Variants in ADARB2 observed in about 807,000 individuals in gnomAD.
ADARB2 encodes adenosine deaminase RNA specific B2 (inactive), also known as inactive double-stranded RNA-specific editase B2.
In ADARB2, 25 loss-of-function variants were observed where a neutral mutation model predicts 62.2. The ratio of observed to expected loss-of-function variants is 0.40; its 90% CI spans 0.29 to 0.56. The LOEUF is 0.56. Among genes scored for constraint, ADARB2 ranks in the 20% least tolerant of loss-of-function variants. ADARB2 has a pLI of 0.43. For synonymous variants in ADARB2, 572 were observed against 500.8 expected, an observed-to-expected ratio of 1.14 and a Z score of -1.90; for missense variants, 1,071 against 1,077.4, an observed-to-expected ratio of 0.99 and a Z score of 0.08.
intron 1 of ADARB2, among the ~76,000 whole-genome samples, chr10:1,692,835 G>A (rs1000417752): frequency 1.3e-5 from 2 of 152,214 alleles, no homozygotes; most frequent in African/African-American, 4.8e-5. Context: ...CAGAATTGAA[G>A]TCTTTTGATC....
At chr10:1,470,064 C>T (rs183209947) in intron 1 of ADARB2, among the ~76,000 whole-genome samples, 3 of 152,270 alleles carry the variant, frequency 2.0e-5, no homozygotes, top group Non-Finnish European at 2.9e-5. Flanking sequence ...GGCCCTGGAG[C>T]GACCTTCCAA....
Position 1,200,027 on chromosome 10 carries a change from G to T in ADARB2, c.1803C>A (p.His601Gln). The T allele has an allele frequency of 6.3e-7, 1 of 1,592,776 alleles. No homozygotes were observed. ...HTGHLARVMS[H>Q]RMEGVGQLPA... Reference sequence around the variant, plus strand: ...GCAGCTGGCCGACACCCTCCATGCGGTGGCTCATGACGCGTGCGAGGTGGC... The same window carrying T: ...GCAGCTGGCCGACACCCTCCATGCGTTGGCTCATGACGCGTGCGAGGTGGC... The change falls in exon 8 of 10, where the codon CAC becomes CAA. Residue 601 changes from histidine (H) to glutamine (Q), a missense_variant. Physicochemically the swap from His to Gln is conservative, Grantham distance 24 (BLOSUM62 0). Coordinates refer to ENST00000381312, the MANE Select transcript of ADARB2 (RefSeq NM_018702.4).
At chr10:1,653,545 C>T (rs114786282) in intron 1 of ADARB2, among the ~76,000 whole-genome samples, 4,641 of 133,640 alleles carry the variant, frequency 0.035, 95 homozygotes, top group Middle Eastern at 0.062. Flanking sequence ...GCCTCGTGTG[C>T]CTGCAGAGCC....
intron 4 of ADARB2, among the ~76,000 whole-genome samples, chr10:1,257,039 AC>A (rs780930641): frequency 2.0e-4 from 31 of 152,192 alleles, no homozygotes; most frequent in Non-Finnish European, 3.5e-4. Context: ...TTTTTAAGCA[AC>A]CACTTGGTAT....
At chr10:1,504,385 T>C (rs1010797976) in intron 1 of ADARB2, among the ~76,000 whole-genome samples, 2 of 152,238 alleles carry the variant, frequency 1.3e-5, no homozygotes, top group African/African-American at 4.8e-5. Flanking sequence ...TTTTCCCCTC[T>C]TTAATGGGAA....
chr10:1,583,241 A>G (rs1588311705), intron 1 of ADARB2, among the ~76,000 whole-genome samples: 2 of 152,356 alleles, frequency 1.3e-5, no homozygotes, highest in African/African-American at 4.8e-5. Context: ...ATGCCACATG[A>G]TAAGAGGATG....
At chr10:1,393,553 A>G (rs1832587633) in intron 1 of ADARB2, among the ~76,000 whole-genome samples, 1 of 152,160 alleles carries the variant, frequency 6.6e-6, no homozygotes, top group Non-Finnish European at 1.5e-5. Flanking sequence ...CTTACCAGGT[A>G]GCTTTCCTCA....
rs867905734 is a variant in ADARB2 at position 1,327,187 on chromosome 10, G to C, written c.1077+35841C>G. Among the ~76,000 whole-genome samples, 6 of 88,504 alleles carry C rather than the reference G, an allele frequency of 6.8e-5. 3 individuals are homozygous for C. The highest frequency in any genetic ancestry group is 4.3e-4 in the Admixed American group (4 of 9,228). 58.1% of individuals were successfully genotyped at this position (88,504 alleles called of 152,430 possible). A position where few individuals can be genotyped will look rare whatever the true frequency, so the allele number is the denominator to read the frequency against. Reference sequence around the variant, plus strand: ...GTTTAGTGCCTGCCCACAGTTCAGCGCCTCCCCAAGGCACAGCGCCTCCTC... The same window carrying C: ...GTTTAGTGCCTGCCCACAGTTCAGCCCCTCCCCAAGGCACAGCGCCTCCTC... On this transcript the variant is annotated intron_variant, in intron 3 of 9. Coordinates refer to ENST00000381312, the MANE Select transcript of ADARB2 (RefSeq NM_018702.4).
At chr10:1,607,718 G>A (rs1024665122) in intron 1 of ADARB2, among the ~76,000 whole-genome samples, 2 of 152,192 alleles carry the variant, frequency 1.3e-5, no homozygotes, top group Non-Finnish European at 2.9e-5. Flanking sequence ...CTCCAGGCAG[G>A]GGACGTCACA....
intron 3 of ADARB2, chr10:1,292,903 T>C (rs1831479624): frequency 2.1e-5 from 3 of 146,042 alleles, no homozygotes; most frequent in Admixed American, 2.0e-4. Context: ...GAGGGGAAAA[T>C]CCAAAGCCTT....
intron 1 of ADARB2, among the ~76,000 whole-genome samples, chr10:1,534,131 G>A (rs1359714087): frequency 6.8e-6 from 1 of 147,512 alleles, no homozygotes; most frequent in Admixed American, 6.9e-5. Flanking sequence ...TTCCTGCATT[G>A]AAATAGTTTT....
chr10:1,587,952 T>C lies in ADARB2; in HGVS notation c.100+149099A>G, dbSNP rs78207786. 3.7e-4 allele frequency among the ~76,000 whole-genome samples: 57 copies of C among 152,264 alleles called. 1 individual carries two copies. In the East Asian group the frequency reaches 0.011, roughly 29 times the overall value. On this transcript the variant is annotated intron_variant, in intron 1 of 9. Transcript: ENST00000381312. ...TGCCATGATTGTGAGGCCTCCCTAG[T>C]CTCATGGAACTGTGAGTCCATTAAG...
intron 7 of ADARB2, among the ~76,000 whole-genome samples, chr10:1,204,737 C>T (rs373396218): frequency 2.2e-4 from 34 of 152,372 alleles, no homozygotes; most frequent in East Asian, 1.2e-3. Context: ...TGCCTCCTGC[C>T]GGGCTGCCCC....
chr10:1,186,028 G>T (rs541650931), intron 8 of ADARB2, among the ~76,000 whole-genome samples: 1 of 152,190 alleles, frequency 6.6e-6, no homozygotes, highest in African/African-American at 2.4e-5. Flanking sequence ...ACTCCAGGGG[G>T]CACCTGCCGA....
At chr10:1,672,006 G>C (rs1417833466) in intron 1 of ADARB2, among the ~76,000 whole-genome samples, 1 of 146,514 alleles carries the variant, frequency 6.8e-6, no homozygotes, top group Non-Finnish European at 1.5e-5. Context: ...CGGAGGGGCA[G>C]AGCCCTACCC....
chr10:1,195,146 C>T (rs1836892509), intron 8 of ADARB2, among the ~76,000 whole-genome samples: 1 of 152,180 alleles, frequency 6.6e-6, no homozygotes, highest in Admixed American at 6.5e-5. Context: ...TTCTCAGGGA[C>T]TCTTACAGGA....
At chr10:1,550,062 C>T (rs1198431418) in intron 1 of ADARB2, among the ~76,000 whole-genome samples, 1 of 152,170 alleles carries the variant, frequency 6.6e-6, no homozygotes, top group Non-Finnish European at 1.5e-5. Flanking sequence ...CAAAGTCTTC[C>T]CTACACCCAG....
intron 1 of ADARB2, among the ~76,000 whole-genome samples, chr10:1,414,907 A>G (rs1832789096): frequency 6.6e-6 from 1 of 152,190 alleles, no homozygotes; most frequent in South Asian, 2.1e-4. Context: ...GGATAAAGGA[A>G]TGGTGAATGA....
intron 2 of ADARB2, among the ~76,000 whole-genome samples, chr10:1,365,322 G>T (rs562409595): frequency 1.3e-5 from 2 of 152,220 alleles, no homozygotes; most frequent in Middle Eastern, 3.4e-3. Flanking sequence ...AGGAACTGTT[G>T]TGAGTGTTCC....
Sources: allele counts gnomAD v4.1 joint callset (sites outside exome capture counted in the v4.1 genomes callset), GRCh38; gene constraint gnomAD v4.1.1; transcripts MANE v1.5; gene names NCBI Gene and HGNC (gene_info 2026-07-23, HGNC 2026-07-21).